The following TNR variants were observed in gnomAD, a reference collection of about 807,000 sequenced individuals.
TNR encodes the protein tenascin-R.
TNR carries 45 observed loss-of-function variants against 150.4 expected under a neutral mutation model. The observed-to-expected ratio is 0.30, with a 90% CI of 0.24 to 0.38. The LOEUF is 0.38. Among genes scored for constraint, TNR ranks in the 10% least tolerant of loss-of-function variants. The pLI, the probability that TNR is intolerant of heterozygous loss-of-function variation, is 1.00. For synonymous variants in TNR, 687 were observed against 678.4 expected, an observed-to-expected ratio of 1.01 and a Z score of -0.20; for missense variants, 1,544 against 1,759.1, an observed-to-expected ratio of 0.88 and a Z score of 2.19.
intron 5 of TNR, 140 bp from the exon 6 acceptor site, chr1:175,394,035 C>T: frequency 4.5e-6 from 3 of 660,868 alleles, no homozygotes; most frequent in Non-Finnish European, 7.9e-6. Context: ...TTGCTCCAGA[C>T]ACAGTGAGTC....
At chr1:175,361,233 A>T (rs946193871) in intron 14 of TNR, among the ~76,000 whole-genome samples, 2 of 152,182 alleles carry the variant, frequency 1.3e-5, no homozygotes, top group Non-Finnish European at 2.9e-5. Flanking sequence ...GGCTAAAGAA[A>T]TGAGTTTTTG....
At chr1:175,726,691 C>A (rs1056481538) in intron 1 of TNR, among the ~76,000 whole-genome samples, 3 of 152,062 alleles carry the variant, frequency 2.0e-5, no homozygotes, top group African/African-American at 7.2e-5. Context: ...AAGACCAAAT[C>A]CAGGCCAATA....
chr1:175,557,348 C>T (rs1428245613), intron 1 of TNR, among the ~76,000 whole-genome samples: 3 of 152,200 alleles, frequency 2.0e-5, no homozygotes, highest in Non-Finnish European at 4.4e-5. Flanking sequence ...GATAATATTA[C>T]TCACAGCAAT....
At chr1:175,492,558 A>C (rs987558142) in intron 2 of TNR, among the ~76,000 whole-genome samples, 1 of 152,184 alleles carries the variant, frequency 6.6e-6, no homozygotes, top group Admixed American at 6.5e-5. Context: ...CAGAGTTCCC[A>C]TCCCCAAAGG....
intron 12 of TNR, 125 bp from the exon 13 acceptor site, chr1:175,363,952 T>C: frequency 8.4e-7 from 1 of 1,183,802 alleles, no homozygotes; most frequent in South Asian, 1.7e-5. Context: ...TCTTTCCATG[T>C]AATAGGGTAT....
At chr1:175,556,219 C>A (rs1054635516) in intron 1 of TNR, among the ~76,000 whole-genome samples, 10 of 152,210 alleles carry the variant, frequency 6.6e-5, no homozygotes, top group Non-Finnish European at 4.4e-5. Context: ...CCTTTTGATT[C>A]TTTTCCACCT....
At chr1:175,491,093 A>G (rs1484184440) in intron 2 of TNR, among the ~76,000 whole-genome samples, 2 of 152,242 alleles carry the variant, frequency 1.3e-5, no homozygotes, top group African/African-American at 4.8e-5. Context: ...ATTGGAAGCC[A>G]TTGTCCTCTG....
intron 2 of TNR, among the ~76,000 whole-genome samples, chr1:175,504,565 C>T (rs1342066431): frequency 1.3e-5 from 2 of 152,302 alleles, no homozygotes; most frequent in Non-Finnish European, 2.9e-5. Flanking sequence ...CTGCTGTCTC[C>T]AGGTCTACTC....
intron 1 of TNR, among the ~76,000 whole-genome samples, chr1:175,574,543 G>A (rs1045402307): frequency 1.3e-5 from 2 of 152,058 alleles, no homozygotes; most frequent in Admixed American, 6.6e-5. Flanking sequence ...ATAAGATATG[G>A]CGCTATCTTC....
intron 1 of TNR, among the ~76,000 whole-genome samples, chr1:175,708,722 G>C (rs1319610881): frequency 2.6e-5 from 4 of 152,154 alleles, no homozygotes; most frequent in Non-Finnish European, 4.4e-5. Context: ...ATGATACAGG[G>C]AACACACTTC....
intron 21 of TNR, 31 bp from the exon 22 acceptor site, chr1:175,324,550 C>T (rs1388834861): frequency 1.9e-6 from 3 of 1,606,104 alleles, no homozygotes; most frequent in African/African-American, 1.3e-5. Flanking sequence ...TTAGGCTGTC[C>T]CATTTGTCAC....
At position 175,406,891 on chromosome 1, in the gene TNR, G is replaced by A. The variant is rs1053192949; in HGVS notation, c.-63-114C>T. Reference sequence around the variant, plus strand: ...GCAGCCAGAGATTTTCAAGGGGGGGGCGTCAGGAAGGGACAGTGGCTGCCA... The same window carrying A: ...GCAGCCAGAGATTTTCAAGGGGGGGACGTCAGGAAGGGACAGTGGCTGCCA... On this transcript the variant is annotated intron_variant, in intron 2 of 22. Transcript: ENST00000367674. 1.9e-5 allele frequency: 13 copies of A among 683,470 alleles called. No individual in the cohort carries two copies. In the East Asian group the frequency reaches 3.8e-4, roughly 20 times the overall value. 42.3% of individuals were successfully genotyped at this position (683,470 alleles called of 1,614,324 possible).
rs536266209 is a variant in TNR at position 175,439,873 on chromosome 1, C to A, written c.-63-33096G>T. Among the ~76,000 whole-genome samples the A allele has an allele frequency of 2.6e-5, 4 of 152,248 alleles. No homozygotes were observed. In the South Asian group the frequency reaches 6.2e-4, roughly 24 times the overall value. On this transcript the variant is annotated intron_variant, in intron 2 of 22. Coordinates refer to ENST00000367674, the MANE Select transcript of TNR (RefSeq NM_003285.3). Reference sequence around the variant, plus strand: ...TGGTGATCATTAAAAAGTCAAGAAACAACAGGTGCTTGAGAGGATGTGGAG... The same window carrying A: ...TGGTGATCATTAAAAAGTCAAGAAAAAACAGGTGCTTGAGAGGATGTGGAG...
rs1187522122 is a variant in TNR, at chr1:175,359,658, T to G, written c.2928A>C (p.Pro976=). ...TGACGTAGTTCTCCACCTCACCCACTGGTGCCTTCCACTGCAGCAGGGCTT... is the reference window on the plus strand; with the variant it reads ...TGACGTAGTTCTCCACCTCACCCACGGGTGCCTTCCACTGCAGCAGGGCTT... ...PTEALLQWKA[P]VGEVENYVIV... Residue 976 remains proline (P), a synonymous_variant, in exon 15 of 23, where the codon CCA becomes CCC. Transcript: ENST00000367674. 6.2e-7 allele frequency: 1 copy of G among 1,613,936 alleles called. No homozygotes were observed. The highest frequency in any genetic ancestry group is 8.5e-7 in the Non-Finnish European group (1 of 1,179,908).
Position 175,491,124 on chromosome 1 carries a change from G to T in TNR, c.-64+37145C>A, listed in dbSNP as rs542148291. Among the ~76,000 whole-genome samples the T allele has an allele frequency of 6.6e-5, 10 of 152,292 alleles. No homozygotes were observed. In the East Asian group the frequency reaches 1.9e-3, roughly 29 times the overall value. On this transcript the variant is annotated intron_variant, in intron 2 of 22. Transcript: ENST00000367674. ...CTCTGCAAACTAATGCAAGAACAGAGAATCAATCACTGTATGTTCTCACTT... is the reference window on the plus strand; with the variant it reads ...CTCTGCAAACTAATGCAAGAACAGATAATCAATCACTGTATGTTCTCACTT...
At chr1:175,561,053 C>G (rs1225848666) in intron 1 of TNR, among the ~76,000 whole-genome samples, 1 of 152,174 alleles carries the variant, frequency 6.6e-6, no homozygotes, top group African/African-American at 2.4e-5. Context: ...CCTTGTTCTT[C>G]TAATTCAGAA....
chr1:175,495,760 G>C (rs144074677), intron 2 of TNR, among the ~76,000 whole-genome samples: 1 of 152,358 alleles, frequency 6.6e-6, no homozygotes, highest in African/African-American at 2.4e-5. Flanking sequence ...TTGAGGCAGA[G>C]TGGTACTCAT....
At chr1:175,604,576 C>A (rs146018128) in intron 1 of TNR, among the ~76,000 whole-genome samples, 2 of 152,290 alleles carry the variant, frequency 1.3e-5, no homozygotes, top group Non-Finnish European at 2.9e-5. Flanking sequence ...GAAAGGGAAG[C>A]AGAGACAGAC....
At chr1:175,680,941 T>C (rs1164621155) in intron 1 of TNR, among the ~76,000 whole-genome samples, 1 of 152,174 alleles carries the variant, frequency 6.6e-6, no homozygotes, top group Non-Finnish European at 1.5e-5. Flanking sequence ...TTGGGGAAGT[T>C]GGAACCACTC....
Sources: gnomAD v4.1 joint callset for allele counts (sites outside exome capture counted in the v4.1 genomes callset) on GRCh38, gnomAD v4.1.1 for gene constraint, MANE v1.5 for transcripts, NCBI Gene and HGNC (gene_info 2026-07-23, HGNC 2026-07-21) for gene names.